MEF2A: variants seen among roughly 807,000 people sequenced by gnomAD.
The protein encoded by MEF2A is myocyte enhancer factor 2A, also known as myocyte-specific enhancer factor 2A.
A neutral mutation model predicts 55.8 loss-of-function variants in MEF2A; 28 were observed. The observed-to-expected ratio is 0.50, with a 90% CI of 0.37 to 0.69. The LOEUF (loss-of-function observed/expected upper bound fraction) is 0.69. Ranked by LOEUF, MEF2A falls within the 30% of genes least tolerant of loss-of-function variation. The pLI, the probability that MEF2A is intolerant of heterozygous loss-of-function variation, is 0.00. For missense variants in MEF2A, 528 were observed against 626.2 expected, an observed-to-expected ratio of 0.84 and a Z score of 1.67; for synonymous variants, 239 against 227.1, an observed-to-expected ratio of 1.05 and a Z score of -0.47.
intron 2 of MEF2A, among the ~76,000 whole-genome samples, chr15:99,620,300 A>C (rs2040918402): frequency 6.6e-6 from 1 of 152,180 alleles, no homozygotes; most frequent in African/African-American, 2.4e-5. Context: ...CCCAAATAAT[A>C]AGCACAGTAG....
intron 1 of MEF2A, among the ~76,000 whole-genome samples, chr15:99,571,630 G>T (rs751018957): frequency 3.3e-5 from 5 of 152,090 alleles, no homozygotes; most frequent in African/African-American, 4.8e-5. Flanking sequence ...TCCCAGCCCA[G>T]ACTTCTCTTG....
intron 8 of MEF2A, among the ~76,000 whole-genome samples, chr15:99,695,716 GGGCATGGT>G (rs1425723334): frequency 6.6e-6 from 1 of 152,014 alleles, no homozygotes; most frequent in Non-Finnish European, 1.5e-5. Context: ...AGAATTAGCT[GGGCATGGT>G]AGCACACGTC....
At chr15:99,608,338 A>G (rs960624576) in intron 2 of MEF2A, among the ~76,000 whole-genome samples, 1 of 152,218 alleles carries the variant, frequency 6.6e-6, no homozygotes, top group Non-Finnish European at 1.5e-5. Context: ...TTTCACTAAT[A>G]GTAACAGGCT....
At chr15:99,613,448 TC>T (rs1192422403) in intron 2 of MEF2A, among the ~76,000 whole-genome samples, 5 of 152,098 alleles carry the variant, frequency 3.3e-5, no homozygotes, top group Admixed American at 3.3e-4. Context: ...ACTTTAACAG[TC>T]CCCGCACCCA....
intron 5 of MEF2A, among the ~76,000 whole-genome samples, chr15:99,672,858 T>C (rs2051146035): frequency 9.2e-5 from 14 of 152,176 alleles, no homozygotes; most frequent in Admixed American, 9.2e-4. Flanking sequence ...AAGGTTTGTG[T>C]ACATGGAACC....
At chr15:99,601,846 T>C (rs911656467) in intron 2 of MEF2A, among the ~76,000 whole-genome samples, 1 of 100,164 alleles carries the variant, frequency 1.0e-5, no homozygotes, top group African/African-American at 3.4e-5. Flanking sequence ...TGTGTGTGTG[T>C]GTGTGTGTGT....
chr15:99,707,784 G>T (rs1261969157), intron 10 of MEF2A, among the ~76,000 whole-genome samples: 2 of 152,196 alleles, frequency 1.3e-5, no homozygotes, highest in Admixed American at 1.3e-4. Flanking sequence ...GGTAAAGATG[G>T]TCTGATTTTA....
At chr15:99,583,579 G>A (rs75838763) in intron 1 of MEF2A, among the ~76,000 whole-genome samples, 3,399 of 152,078 alleles carry the variant, frequency 0.022, 127 homozygotes, top group African/African-American at 0.078. Context: ...TGCCTGAGAA[G>A]GAATACTGGG....
At chr15:99,567,285 A>G (rs143002587) in intron 1 of MEF2A, among the ~76,000 whole-genome samples, 1 of 152,312 alleles carries the variant, frequency 6.6e-6, no homozygotes, top group African/African-American at 2.4e-5. Flanking sequence ...TTAAACAAAC[A>G]TTGTCTTAAC....
intron 4 of MEF2A, among the ~76,000 whole-genome samples, chr15:99,664,694 C>T (rs867219444): frequency 6.6e-6 from 1 of 151,988 alleles, no homozygotes; most frequent in Non-Finnish European, 1.5e-5. Context: ...GGAATAAGGT[C>T]GACTAGGTTG....
intron 2 of MEF2A, among the ~76,000 whole-genome samples, chr15:99,629,161 G>T (rs562249500): frequency 6.6e-6 from 1 of 152,182 alleles, no homozygotes; most frequent in East Asian, 1.9e-4. Context: ...CTGGCTGAAC[G>T]CGGTGGCTCA....
chr15:99,712,591 G>C lies in MEF2A; in HGVS notation c.1338G>C (p.Gln446His). ...AACCCCCGCAGCCCCAGCCCCGACA[G>C]GAAATGGGGCGCTCCCCTGTGGACA... ...QPQPPQPQPRQEMGRSPVDSL... is the reference protein window; with the variant it reads ...QPQPPQPQPRHEMGRSPVDSL... Residue 446 changes from glutamine (Q) to histidine (H), a missense_variant, in exon 12 of 12, where the codon CAG (glutamine) becomes CAC (histidine). Gln to His is a conservative substitution (Grantham distance 24). Coordinates refer to ENST00000557942, the MANE Select transcript of MEF2A (RefSeq NM_001319206.4). The surrounding 1 kb of genome is among the most constrained non-coding windows in gnomAD (Gnocchi z 4.1). 2 of 1,550,482 alleles carry C rather than the reference G, an allele frequency of 1.3e-6. No homozygotes were observed. Among genetic ancestry groups the C allele is most frequent in the Non-Finnish European group, 1.7e-6 (2 of 1,146,462 alleles).
intron 2 of MEF2A, among the ~76,000 whole-genome samples, chr15:99,618,605 G>A (rs1217151541): frequency 6.6e-6 from 1 of 152,060 alleles, no homozygotes; most frequent in African/African-American, 2.4e-5. Flanking sequence ...TGTAAAGGGC[G>A]TGATATATGC....
chr15:99,663,446 C>T (rs1011247714), intron 4 of MEF2A, among the ~76,000 whole-genome samples: 8 of 151,872 alleles, frequency 5.3e-5, no homozygotes, highest in Non-Finnish European at 1.2e-4. Flanking sequence ...GTATAATTGT[C>T]AAATTCCATT....
At chr15:99,573,245 C>T (rs926381605) in intron 1 of MEF2A, among the ~76,000 whole-genome samples, 8 of 145,826 alleles carry the variant, frequency 5.5e-5, no homozygotes, top group African/African-American at 2.0e-4. Context: ...GCCAAGATCG[C>T]GCCACTGCAC....
chr15:99,671,964 G>A (rs2050959156), intron 5 of MEF2A, among the ~76,000 whole-genome samples: 1 of 152,134 alleles, frequency 6.6e-6, no homozygotes, highest in Admixed American at 6.5e-5. Context: ...TGGCTCTCAT[G>A]ATTTTTAAGG....
chr15:99,573,209 A>C (rs574563163), intron 1 of MEF2A, among the ~76,000 whole-genome samples: 6 of 150,068 alleles, frequency 4.0e-5, no homozygotes, highest in Admixed American at 3.3e-4. Context: ...AATGGCGTGA[A>C]CCCTGGGAGG....
In MEF2A at chr15:99,637,399, A is replaced by G. The variant is rs191929269; in HGVS notation, c.54+4226A>G. Among the ~76,000 whole-genome samples the G allele has an allele frequency of 1.7e-3, 263 of 152,204 alleles. 1 individual carries two copies. The highest frequency in any genetic ancestry group is 2.8e-3 in the Non-Finnish European group (193 of 68,002). ...AGTCTTCTACATTTTTGTTATATTTATTAGTAGATATTTGATTTTCTAAAG... is the reference window on the plus strand; with the variant it reads ...AGTCTTCTACATTTTTGTTATATTTGTTAGTAGATATTTGATTTTCTAAAG... On this transcript the variant is annotated intron_variant, in intron 3 of 11. Transcript: ENST00000557942.
chr15:99,566,032 C>T lies in MEF2A; in HGVS notation c.-297C>T, dbSNP rs559963447. On this transcript the variant is annotated 5_prime_UTR_variant, in exon 1 of 12. Transcript: ENST00000557942. ...AGTCCCGGGCTGAAAGAGGCGGCTC[C>T]GGGCGGCGCGAAGCGCTGGTGGCGG... 2.2e-3 allele frequency: 343 copies of T among 152,524 alleles called. No individual in the cohort carries two copies. Among genetic ancestry groups the T allele is most frequent in the Non-Finnish European group, 4.2e-3 (284 of 68,278 alleles). 9.4% of individuals were successfully genotyped at this position (152,524 alleles called of 1,614,324 possible).
Sources: gnomAD v4.1 joint callset for allele counts (sites outside exome capture counted in the v4.1 genomes callset) on GRCh38, gnomAD v4.1.1 for gene constraint, Gnocchi (gnomAD v3.1) non-coding constraint, MANE v1.5 for transcripts, NCBI Gene and HGNC (gene_info 2026-07-23, HGNC 2026-07-21) for gene names.